The following PARN variants were observed in gnomAD, a reference collection of about 807,000 sequenced individuals.
The protein encoded by PARN is poly(A)-specific ribonuclease.
In PARN, 71 loss-of-function variants were observed where a neutral mutation model predicts 102.8. That is an observed-to-expected ratio of 0.69 (90% confidence interval 0.57 to 0.84). The LOEUF is 0.84. Ranked by LOEUF, PARN falls within the 40% of genes least tolerant of loss-of-function variation. The pLI, the probability that PARN is intolerant of heterozygous loss-of-function variation, is 0.00. For missense variants in PARN, 782 were observed against 760.9 expected (o/e 1.03, Z -0.33); for synonymous variants, 261 against 252.9 (o/e 1.03, Z -0.30).
intron 12 of PARN, among the ~76,000 whole-genome samples, chr16:14,596,765 G>T (rs1260198400): frequency 2.0e-5 from 3 of 151,184 alleles, no homozygotes; most frequent in Non-Finnish European, 4.4e-5. Context: ...AATAAACAGG[G>T]GAAAAGGACA....
chr16:14,597,390 C>A (rs1262387605), intron 12 of PARN, among the ~76,000 whole-genome samples: 1 of 152,170 alleles, frequency 6.6e-6, no homozygotes, highest in Non-Finnish European at 1.5e-5. Context: ...ACCACCTTAA[C>A]CAAGCGATCA....
chr16:14,503,407 G>T (rs1248494283), intron 21 of PARN, among the ~76,000 whole-genome samples: 5 of 151,882 alleles, frequency 3.3e-5, no homozygotes, highest in African/African-American at 9.7e-5. Context: ...TTTAGCAAAG[G>T]TGATAGAAAC....
intron 12 of PARN, among the ~76,000 whole-genome samples, chr16:14,599,229 G>T (rs1470113030): frequency 1.3e-5 from 2 of 151,924 alleles, no homozygotes; most frequent in Non-Finnish European, 2.9e-5. Context: ...TTTTGGTAGA[G>T]ATGGGGTTTC....
intron 5 of PARN, among the ~76,000 whole-genome samples, chr16:14,620,819 T>C (rs1410456676): frequency 1.3e-5 from 2 of 152,190 alleles, no homozygotes; most frequent in Non-Finnish European, 2.9e-5. Context: ...CCTCTTTTCT[T>C]TGCTACTAGG....
chr16:14,560,748 C>T (rs1298383616), intron 18 of PARN, among the ~76,000 whole-genome samples: 1 of 152,240 alleles, frequency 6.6e-6, no homozygotes, highest in African/African-American at 2.4e-5. Context: ...TCTTCACAGG[C>T]TACACAGCAT....
chr16:14,515,444 A>G (rs1429151578), intron 21 of PARN, among the ~76,000 whole-genome samples: 5 of 152,164 alleles, frequency 3.3e-5, no homozygotes. Flanking sequence ...TTCCTCAGAG[A>G]TTTTAGCAGT....
At chr16:14,449,423 G>A (rs928464285) in intron 22 of PARN, among the ~76,000 whole-genome samples, 4 of 152,122 alleles carry the variant, frequency 2.6e-5, no homozygotes, top group African/African-American at 7.2e-5. Context: ...AACAAAACGC[G>A]GGTGAATGCC....
At chr16:14,543,812 T>G (rs1940728706) in intron 21 of PARN, among the ~76,000 whole-genome samples, 1 of 151,812 alleles carries the variant, frequency 6.6e-6, no homozygotes, top group Non-Finnish European at 1.5e-5. Context: ...AAAAGCAAAT[T>G]TTAAAATGAC....
intron 21 of PARN, among the ~76,000 whole-genome samples, chr16:14,495,911 C>G (rs896148970): frequency 1.3e-5 from 2 of 151,952 alleles, no homozygotes; most frequent in Non-Finnish European, 2.9e-5. Context: ...GAAGAGGGGT[C>G]GAGGTCAGGG....
chr16:14,483,716 T>C (rs751968105), intron 21 of PARN, among the ~76,000 whole-genome samples: 40 of 151,964 alleles, frequency 2.6e-4, no homozygotes, highest in Non-Finnish European at 4.7e-4. Context: ...CTCAGATGTG[T>C]AGTACAATTA....
chr16:14,499,321 GGA>G (rs1258810742), intron 21 of PARN, among the ~76,000 whole-genome samples: 1 of 152,178 alleles, frequency 6.6e-6, no homozygotes, highest in African/African-American at 2.4e-5. Flanking sequence ...GAGAAAGTAG[GGA>G]GAGGGAGAGA....
chr16:14,629,837 G>A (rs1297908049), intron 1 of PARN, among the ~76,000 whole-genome samples, 163 bp from the exon 2 acceptor site: 2 of 152,222 alleles, frequency 1.3e-5, no homozygotes, highest in East Asian at 1.9e-4. Context: ...GGGTGCATGG[G>A]TCAGGGGGGA....
At chr16:14,596,505 C>T (rs116728756) in intron 12 of PARN, among the ~76,000 whole-genome samples, 1,674 of 151,772 alleles carry the variant, frequency 0.011, 32 homozygotes, top group African/African-American at 0.038. Context: ...GAGGCTGAGG[C>T]GCGGGAGACT....
chr16:14,529,488 C>T (rs1371208286), intron 21 of PARN, among the ~76,000 whole-genome samples: 1 of 152,176 alleles, frequency 6.6e-6, no homozygotes, highest in Non-Finnish European at 1.5e-5. Flanking sequence ...CTACTGGCTA[C>T]TGCTCCACTT....
chr16:14,528,620 TGG>T (rs942690909), intron 21 of PARN, among the ~76,000 whole-genome samples: 1 of 152,096 alleles, frequency 6.6e-6, no homozygotes, highest in African/African-American at 2.4e-5. Context: ...TAGACTGATG[TGG>T]GGGGGAAAGT....
At chr16:14,536,152 C>T (rs1966598376) in intron 21 of PARN, among the ~76,000 whole-genome samples, 1 of 152,072 alleles carries the variant, frequency 6.6e-6, no homozygotes, top group African/African-American at 2.4e-5. Context: ...TTTTTAGTTA[C>T]AAAATAATAT....
At chr16:14,585,737 T>C (rs911085527) in intron 14 of PARN, among the ~76,000 whole-genome samples, 2 of 152,156 alleles carry the variant, frequency 1.3e-5, no homozygotes, top group Non-Finnish European at 2.9e-5. Flanking sequence ...ACAAGAGCCA[T>C]CTCAAGGAGG....
At position 14,556,962 on chromosome 16, in the gene PARN, T is replaced by C. The variant is rs148921893; in HGVS notation, c.1263-1253A>G. 8.5e-3 allele frequency among the ~76,000 whole-genome samples: 1,293 copies of C among 152,290 alleles called. 22 individuals carry two copies. The highest frequency in any genetic ancestry group is 0.029 in the African/African-American group (1,213 of 41,558). On this transcript the variant is annotated intron_variant, in intron 18 of 23. Coordinates refer to ENST00000437198, the MANE Select transcript of PARN (RefSeq NM_002582.4). ...AAAACTATCACACTAATATAAATCA[T>C]AGCAGTCATTTTATGTTTATCTTCC...
At position 14,436,763 on chromosome 16, in the gene PARN, G is replaced by C. The variant is rs201963032; in HGVS notation, c.1874C>G (p.Ser625Trp). 1.3e-6 allele frequency: 2 copies of C among 1,591,366 alleles called. No individual in the cohort carries two copies. The highest frequency in any genetic ancestry group is 3.6e-5 in the Admixed American group (2 of 56,106). ...AAAGAGTGTGGCAGGGCTGTTCTTC[G>C]AGATGCTTCCTGGTGGGAAAGAACA... is the stretch of plus-strand genomic sequence containing the variant. ...KKELSPAGSISKNSPATLFEV... is the reference protein window; with the variant it reads ...KKELSPAGSIWKNSPATLFEV... The change falls in exon 24 of 24, where the codon TCG becomes TGG. Residue 625 changes from serine to tryptophan, a missense_variant. Coordinates refer to ENST00000437198, the MANE Select transcript of PARN (RefSeq NM_002582.4).
Sources: allele counts gnomAD v4.1 joint callset (sites outside exome capture counted in the v4.1 genomes callset), GRCh38; gene constraint gnomAD v4.1.1; transcripts MANE v1.5; gene names NCBI Gene and HGNC (gene_info 2026-07-23, HGNC 2026-07-21).